The following THRB variants were observed in gnomAD, a reference collection of about 807,000 sequenced individuals.
THRB encodes thyroid hormone receptor beta, also known as nuclear receptor subfamily 1 group A member 2.
In THRB, 12 loss-of-function variants were observed where a neutral mutation model predicts 47.8. That is an observed-to-expected ratio of 0.25 (90% confidence interval 0.16 to 0.41). THRB has a LOEUF of 0.41. THRB is among the 10% of genes least tolerant of loss of function. The pLI is 1.00. For missense variants in THRB, 348 were observed against 589.2 expected (o/e 0.59, Z 4.24); for synonymous variants, 218 against 212.2 (o/e 1.03, Z -0.24).
intron 3 of THRB, among the ~76,000 whole-genome samples, chr3:24,275,252 TAA>T (rs61479724): frequency 0.014 from 2,189 of 152,224 alleles, 57 homozygotes; most frequent in African/African-American, 0.049. Context: ...AAAAATTAAA[TAA>T]AAGTTTTAAA....
At chr3:24,444,560 A>G (rs547574592) in intron 1 of THRB, among the ~76,000 whole-genome samples, 4 of 152,350 alleles carry the variant, frequency 2.6e-5, no homozygotes, top group Non-Finnish European at 4.4e-5. Flanking sequence ...AACTTTTCCA[A>G]AATAATTCAT....
intron 9 of THRB, among the ~76,000 whole-genome samples, chr3:24,131,331 T>C (rs181872108): frequency 8.5e-5 from 13 of 152,348 alleles, no homozygotes; most frequent in African/African-American, 2.6e-4. Flanking sequence ...TGAATACGTA[T>C]AATTTTTGTA....
chr3:24,461,803 T>G (rs1351633199), intron 1 of THRB, among the ~76,000 whole-genome samples: 1 of 152,218 alleles, frequency 6.6e-6, no homozygotes, highest in African/African-American at 2.4e-5. Flanking sequence ...GTCAGCTATG[T>G]TCAAGACAAC....
chr3:24,143,802 GCA>G, intron 7 of THRB, 96 bp from the exon 8 acceptor site: 1 of 1,285,442 alleles, frequency 7.8e-7, no homozygotes, highest in Non-Finnish European at 1.1e-6. Flanking sequence ...GACCACTGAT[GCA>G]CAGATGGCTT....
intron 8 of THRB, among the ~76,000 whole-genome samples, chr3:24,138,123 G>A (rs571322494): frequency 1.3e-5 from 2 of 152,234 alleles, no homozygotes; most frequent in South Asian, 2.1e-4. Context: ...ATTGTTCAAG[G>A]TGAGTAGGAA....
At chr3:24,287,187 G>C (rs1827736) in intron 3 of THRB, among the ~76,000 whole-genome samples, 8,168 of 152,062 alleles carry the variant, frequency 0.054, 705 homozygotes, top group African/African-American at 0.18. Context: ...CTTTGCCACT[G>C]AATAACTCTG....
At chr3:24,129,987 G>T (rs759327530) in intron 9 of THRB, among the ~76,000 whole-genome samples, 3 of 152,118 alleles carry the variant, frequency 2.0e-5, no homozygotes, top group Non-Finnish European at 4.4e-5. Flanking sequence ...GAGACCCCTG[G>T]CTCTCAAGAC....
At chr3:24,194,553 C>T (rs946429667) in intron 4 of THRB, among the ~76,000 whole-genome samples, 1 of 152,096 alleles carries the variant, frequency 6.6e-6, no homozygotes, top group Non-Finnish European at 1.5e-5. Flanking sequence ...TAGATAGGGA[C>T]ATGTGAACTG....
Position 24,435,535 on chromosome 3 carries a change from A to G in THRB, c.-261+59117T>C, listed in dbSNP as rs544264773. On this transcript the variant is annotated intron_variant, in intron 1 of 10. Transcript: ENST00000646209. ...TGAGCATCCCCATGTGGAGGTGAAC[A>G]CTTCCCCTCTCCCTAACTTGATGAG... Among the ~76,000 whole-genome samples the G allele has an allele frequency of 5.9e-5, 9 of 152,174 alleles. No homozygotes were observed. The South Asian group carries it at 1.9e-3, about 32-fold the overall frequency.
chr3:24,376,475 T>A (rs1420627292), intron 1 of THRB, among the ~76,000 whole-genome samples: 1 of 152,168 alleles, frequency 6.6e-6, no homozygotes, highest in Non-Finnish European at 1.5e-5. Flanking sequence ...ATAGGGGGTT[T>A]CTTGAGCCTT....
intron 4 of THRB, among the ~76,000 whole-genome samples, chr3:24,207,187 A>G (rs2045473790): frequency 4.6e-5 from 7 of 152,194 alleles, no homozygotes; most frequent in Admixed American, 3.9e-4. Context: ...GCCGAGACAC[A>G]ACAAAAAAAG....
chr3:24,412,695 CCAAATTATCAAATTATCA>C (rs1244980887), intron 1 of THRB, among the ~76,000 whole-genome samples: 1 of 151,768 alleles, frequency 6.6e-6, no homozygotes, highest in African/African-American at 2.4e-5. Context: ...TGTCCAAACT[CCAAATTATCAAATTATCA>C]CAAATTATCA....
intron 3 of THRB, among the ~76,000 whole-genome samples, chr3:24,258,289 G>T (rs1214235897): frequency 6.6e-6 from 1 of 152,130 alleles, no homozygotes; most frequent in Non-Finnish European, 1.5e-5. Context: ...ACAGGAAAAG[G>T]CCGAAGGGTC....
intron 1 of THRB, among the ~76,000 whole-genome samples, chr3:24,487,991 A>T (rs1697556748): frequency 6.6e-6 from 1 of 152,238 alleles, no homozygotes; most frequent in Non-Finnish European, 1.5e-5. Context: ...ACCAAGGAAC[A>T]ACATGTCACA....
chr3:24,441,319 A>G (rs1560194069), intron 1 of THRB, among the ~76,000 whole-genome samples: 1 of 152,212 alleles, frequency 6.6e-6, no homozygotes, highest in Non-Finnish European at 1.5e-5. Flanking sequence ...GATTAGAGAC[A>G]GTGTGTACAC....
intron 5 of THRB, among the ~76,000 whole-genome samples, chr3:24,189,773 CA>C (rs1234272794): frequency 2.0e-5 from 3 of 152,144 alleles, no homozygotes; most frequent in Non-Finnish European, 4.4e-5. Flanking sequence ...TACTCAGACC[CA>C]AAAATGGAAT....
At chr3:24,176,430 C>T (rs1163723908) in intron 5 of THRB, among the ~76,000 whole-genome samples, 1 of 152,060 alleles carries the variant, frequency 6.6e-6, no homozygotes, top group African/African-American at 2.4e-5. Flanking sequence ...ACAAATTTCC[C>T]TAATAATAGG....
chr3:24,125,933 G>A (rs896227272), intron 10 of THRB, among the ~76,000 whole-genome samples: 1 of 152,126 alleles, frequency 6.6e-6, no homozygotes, highest in African/African-American at 2.4e-5. Flanking sequence ...AGTGTAGGAG[G>A]CCGGTCTGGA....
intron 1 of THRB, among the ~76,000 whole-genome samples, chr3:24,449,414 G>C (rs1409556459): frequency 1.3e-5 from 2 of 152,182 alleles, no homozygotes; most frequent in African/African-American, 2.4e-5. Context: ...ATTTTGAGAG[G>C]AAATTCCCAG....
Sources: gnomAD v4.1 joint callset for allele counts (sites outside exome capture counted in the v4.1 genomes callset) on GRCh38, gnomAD v4.1.1 for gene constraint, MANE v1.5 for transcripts, NCBI Gene and HGNC (gene_info 2026-07-23, HGNC 2026-07-21) for gene names.